ZNF681: variants seen among roughly 807,000 people sequenced by gnomAD.
ZNF681 encodes hypothetical protein FLJ31526.
A neutral mutation model predicts 56.0 loss-of-function variants in ZNF681; 37 were observed. The observed-to-expected ratio is 0.66, with a 90% confidence interval of 0.51 to 0.87. The LOEUF is 0.87. ZNF681 is among the 40% of genes least tolerant of loss of function. The probability of loss-of-function intolerance (pLI) is 0.00; values close to 1 mark genes in which losing one functional copy is unlikely to be tolerated. For missense variants in ZNF681, 741 were observed against 744.9 expected (o/e 0.99, Z 0.06); for synonymous variants, 225 against 248.6 (o/e 0.91, Z 0.89).
rs187176266 is a variant in ZNF681, at chr19:23,754,700, T to A, written c.226+123A>T. ...AAGAAAAGAAAAGAAAAACTCTGGC[T>A]TTCCAGAAACTATTTCCTTTGGAAT... On this transcript the variant is annotated intron_variant, in intron 3 of 3. Transcript: ENST00000402377. The A allele has an allele frequency of 5.2e-4, 444 of 849,858 alleles. 3 individuals carry two copies. The African/African-American group carries it at 6.6e-3, about 13-fold the overall frequency. The allele number at this position is 849,858 out of a possible 1,614,324, so 52.6% of individuals were successfully genotyped here.
rs1005204647 is a variant in ZNF681, at chr19:23,741,122, C to T, written c.*2490G>A. The T allele has an allele frequency of 6.6e-6, 1 of 151,944 alleles. No homozygotes were observed. Among genetic ancestry groups the T allele is most frequent in the African/African-American group, 2.4e-5 (1 of 41,376 alleles). 9.4% of individuals were successfully genotyped at this position (151,944 alleles called of 1,614,324 possible). ...AATAATTTGATTTGTTTCAATATTG[C>T]TCTTCTGAAACTAGGTAGAAACTCA... On this transcript the variant is annotated 3_prime_UTR_variant, in exon 4 of 4. Transcript: ENST00000402377.
chr19:23,744,937 T>C lies in ZNF681; in HGVS notation c.613A>G (p.Lys205Glu). The change falls in exon 4 of 4, where the codon AAA (lysine) becomes GAA (glutamate). Residue 205 changes from lysine to glutamate, a missense_variant. By Grantham distance (56) the Lys-to-Glu change is moderately conservative. Transcript: ENST00000402377. The part of the protein sequence containing the change: ...VNFYKCEDCG[K>E]AFNGSSIFTK... Reference sequence around the variant, plus strand: ...AAGATTGAGGATCCATTAAAGGCTTTTCCACAGTCTTCACATTTGTAGAAA... The same window carrying C: ...AAGATTGAGGATCCATTAAAGGCTTCTCCACAGTCTTCACATTTGTAGAAA... 6.2e-7 allele frequency: 1 copy of C among 1,600,138 alleles called. No homozygotes were observed.
intron 3 of ZNF681, among the ~76,000 whole-genome samples, chr19:23,747,548 G>C (rs993213548): frequency 1.3e-5 from 2 of 150,502 alleles, no homozygotes; most frequent in African/African-American, 4.9e-5. Context: ...GCTGAGGCAG[G>C]AGAATGGCAT....
chr19:23,755,516 G>C lies in ZNF681; in HGVS notation c.39C>G (p.Phe13Leu). 6.2e-7 allele frequency: 1 copy of C among 1,603,564 alleles called. No individual in the cohort carries two copies. The highest frequency in any genetic ancestry group is 8.5e-7 in the Non-Finnish European group (1 of 1,174,606). The stretch of plus-strand genomic sequence containing the variant: ...CCAGGCATTGCCACTCCTCCAGAGA[G>C]AATTCTATGGCCACATCCCTAAATT... The part of the protein sequence containing the change: ...PLKFRDVAIE[F>L]SLEEWQCLDT... The change falls in exon 2 of 4, where the codon TTC becomes TTG. Residue 13 changes from phenylalanine (F) to leucine (L), a missense_variant. Coordinates refer to ENST00000402377, the MANE Select transcript of ZNF681 (RefSeq NM_138286.3).
chr19:23,751,474 CA>C (rs71165893), intron 3 of ZNF681, among the ~76,000 whole-genome samples: 18 of 122,996 alleles, frequency 1.5e-4, no homozygotes, highest in Admixed American at 1.8e-4. Flanking sequence ...GACTCCGTCT[CA>C]AAAAAAAAAA....
At chr19:23,746,707 T>C (rs1968949923) in intron 3 of ZNF681, among the ~76,000 whole-genome samples, 1 of 152,200 alleles carries the variant, frequency 6.6e-6, no homozygotes, top group Admixed American at 6.5e-5. Flanking sequence ...ATTCAGGTTG[T>C]ACCATAGATA....
rs551238949 is a variant in ZNF681 at position 23,740,880 on chromosome 19, T to A, written c.*2732A>T. 1 of 152,234 alleles carries A rather than the reference T, an allele frequency of 6.6e-6. No individual in the cohort carries two copies. Among genetic ancestry groups the A allele is most frequent in the African/African-American group, 2.4e-5 (1 of 41,560 alleles). The allele number at this position is 152,234 out of a possible 1,614,324, so 9.4% of individuals were successfully genotyped here. ...TTTTATAATCTCTGACCAGCTCACATAGCATCTTATATAAAATAAGAGAAA... is the reference window on the plus strand; with the variant it reads ...TTTTATAATCTCTGACCAGCTCACAAAGCATCTTATATAAAATAAGAGAAA... On this transcript the variant is annotated 3_prime_UTR_variant, in exon 4 of 4. Coordinates refer to ENST00000402377, the MANE Select transcript of ZNF681 (RefSeq NM_138286.3).
intron 3 of ZNF681, among the ~76,000 whole-genome samples, chr19:23,753,259 C>T (rs1015555814): frequency 5.9e-5 from 9 of 152,048 alleles, no homozygotes; most frequent in Non-Finnish European, 4.4e-5. Context: ...ATTAGCCAGG[C>T]ATGGTGGCAT....
At chr19:23,754,481 C>A (rs1187068417) in intron 3 of ZNF681, among the ~76,000 whole-genome samples, 1 of 39,012 alleles carries the variant, frequency 2.6e-5, no homozygotes, top group Non-Finnish European at 5.3e-5. Context: ...CTGGCCAACA[C>A]ATAGTGAAAC....
rs189692256 is a variant in ZNF681, at chr19:23,743,309, C to T, written c.*303G>A. 5.2e-6 allele frequency: 1 copy of T among 191,636 alleles called. No homozygotes were observed. Among genetic ancestry groups the T allele is most frequent in the East Asian group, 1.4e-4 (1 of 7,058 alleles). 11.9% of individuals were successfully genotyped at this position (191,636 alleles called of 1,614,324 possible). ...ATAATGTGTGTCTTCAAAATGAATA[C>T]TCTTCACTTTAGAGGCTTATATTTT... On this transcript the variant is annotated 3_prime_UTR_variant, in exon 4 of 4. Coordinates refer to ENST00000402377, the MANE Select transcript of ZNF681 (RefSeq NM_138286.3).
Position 23,745,254 on chromosome 19 carries a change from G to A in ZNF681, c.296C>T (p.Thr99Ile). 6.2e-7 allele frequency: 1 copy of A among 1,604,516 alleles called. No homozygotes were observed. Among genetic ancestry groups the A allele is most frequent in the Non-Finnish European group, 8.5e-7 (1 of 1,177,542 alleles). Residue 99 changes from threonine to isoleucine, a missense_variant, in exon 4 of 4, where the codon ACA becomes ATA. Transcript: ENST00000402377. Reference sequence around the variant, plus strand: ...TTCACATTTTCCATATCTTCTTGGTGTCACTTTTTGGAAAGAATCTTTTAT... The same window carrying A: ...TTCACATTTTCCATATCTTCTTGGTATCACTTTTTGGAAAGAATCTTTTAT... ...QNIKDSFQKVTPRRYGKCEHE... is the reference protein window; with the variant it reads ...QNIKDSFQKVIPRRYGKCEHE...
chr19:23,744,201 T>C lies in ZNF681; in HGVS notation c.1349A>G (p.Tyr450Cys), dbSNP rs761684108. ...GGCTTTCCCACATTCTTCACATTTG[T>C]ATGGTTTCTCTTCAGTATGAATATT... ...HKNIHTEEKP[Y>C]KCEECGKAFN... Residue 450 changes from tyrosine to cysteine, a missense_variant, in exon 4 of 4, where the codon TAC (tyrosine) becomes TGC (cysteine). Tyr to Cys is a radical substitution (Grantham distance 194, BLOSUM62 -2). Transcript: ENST00000402377. The C allele has an allele frequency of 1.9e-6, 3 of 1,613,718 alleles. No individual in the cohort carries two copies. The highest frequency in any genetic ancestry group is 1.3e-5 in the African/African-American group (1 of 75,002).
At chr19:23,751,972 CCACTGCGCCCGGCCT>C (rs1456410085) in intron 3 of ZNF681, among the ~76,000 whole-genome samples, 1 of 152,192 alleles carries the variant, frequency 6.6e-6, no homozygotes, top group African/African-American at 2.4e-5. Context: ...CAGGCGTGAG[CCACTGCGCCCGGCCT>C]GAGGTTGGAA....
chr19:23,748,409 C>T (rs1194764440), intron 3 of ZNF681, among the ~76,000 whole-genome samples: 1 of 152,066 alleles, frequency 6.6e-6, no homozygotes, highest in East Asian at 1.9e-4. Context: ...TGCCATGCTC[C>T]TTGAGGTTAT....
chr19:23,741,764 C>A lies in ZNF681; in HGVS notation c.*1848G>T, dbSNP rs1301566827. The A allele has an allele frequency of 6.6e-6, 1 of 151,736 alleles. No homozygotes were observed. The highest frequency in any genetic ancestry group is 1.5e-5 in the Non-Finnish European group (1 of 67,960). 9.4% of individuals were successfully genotyped at this position (151,736 alleles called of 1,614,324 possible). ...AATTAGTTTATAATACAAACAAATA[C>A]AAACAATAAATGCTGCAGGTAATGA... On this transcript the variant is annotated 3_prime_UTR_variant, in exon 4 of 4. Coordinates refer to ENST00000402377, the MANE Select transcript of ZNF681 (RefSeq NM_138286.3).
intron 2 of ZNF681, 73 bp downstream of exon 2, chr19:23,755,352 A>G (rs1969095784): frequency 6.6e-7 from 1 of 1,522,790 alleles, no homozygotes; most frequent in African/African-American, 1.4e-5. Context: ...TAAATTACCT[A>G]AAAACATTAT....
intron 3 of ZNF681, among the ~76,000 whole-genome samples, chr19:23,751,957 G>C (rs1969038818): frequency 6.6e-6 from 1 of 152,192 alleles, no homozygotes; most frequent in Non-Finnish European, 1.5e-5. Flanking sequence ...AGAGTGCTGG[G>C]ATTACAGGCG....
chr19:23,754,977 G>C (rs1969091827), intron 2 of ZNF681, 59 bp from the exon 3 acceptor site: 9 of 1,327,920 alleles, frequency 6.8e-6, no homozygotes, highest in African/African-American at 1.5e-5. Flanking sequence ...CACCAACATG[G>C]CAATGTAGTC....
In ZNF681 at chr19:23,742,245, A is replaced by G. The variant is rs912201536; in HGVS notation, c.*1367T>C. ...GGTGACTCGCGCCTGTAATCCCAGCACTTTGGGAGGCCGAGGTGGGTGGAT... is the reference window on the plus strand; with the variant it reads ...GGTGACTCGCGCCTGTAATCCCAGCGCTTTGGGAGGCCGAGGTGGGTGGAT... On this transcript the variant is annotated 3_prime_UTR_variant, in exon 4 of 4. Coordinates refer to ENST00000402377, the MANE Select transcript of ZNF681 (RefSeq NM_138286.3). 1 of 152,076 alleles carries G rather than the reference A, an allele frequency of 6.6e-6. No homozygotes were observed. Among genetic ancestry groups the G allele is most frequent in the African/African-American group, 2.4e-5 (1 of 41,420 alleles). 9.4% of individuals were successfully genotyped at this position (152,076 alleles called of 1,614,324 possible).
Sources: gnomAD v4.1 joint callset for allele counts (sites outside exome capture counted in the v4.1 genomes callset) on GRCh38, gnomAD v4.1.1 for gene constraint, MANE v1.5 for transcripts, NCBI Gene and HGNC (gene_info 2026-07-23, HGNC 2026-07-21) for gene names.